ANXA8: variants seen among roughly 807,000 people sequenced by gnomAD.
ANXA8 encodes the protein VAC-beta.
ANXA8 carries 9 observed loss-of-function variants against 26.8 expected under a neutral mutation model. That is an observed-to-expected ratio of 0.34 (90% CI 0.20 to 0.59). ANXA8 has a LOEUF of 0.59. Ranked by LOEUF, ANXA8 falls within the 20% of genes least tolerant of loss-of-function variation. The probability of loss-of-function intolerance (pLI) is 0.84; values close to 1 mark genes in which losing one functional copy is unlikely to be tolerated. For synonymous variants in ANXA8, 39 were observed against 94.8 expected (o/e 0.41, Z 3.42); for missense variants, 83 against 238.5 (o/e 0.35, Z 4.29).
the ANXA8 span, among the ~76,000 whole-genome samples, chr10:47,694,358 T>G: frequency 6.6e-6 from 1 of 151,330 alleles, no homozygotes; most frequent in South Asian, 2.1e-4. Flanking sequence ...GTGAACTTAG[T>G]TGGATAGCTT....
chr10:47,534,742 C>A, the ANXA8 span, among the ~76,000 whole-genome samples: 1 of 100,246 alleles, frequency 1.0e-5, no homozygotes, highest in African/African-American at 4.1e-5. Context: ...GCAACCTCCA[C>A]CTCCCAGAGT....
chr10:47,768,836 A>T, the ANXA8 span, among the ~76,000 whole-genome samples: 1 of 151,610 alleles, frequency 6.6e-6, no homozygotes, highest in African/African-American at 2.4e-5. Flanking sequence ...GTTGGGAAGC[A>T]GCCGGGCTCC....
the ANXA8 span, among the ~76,000 whole-genome samples, chr10:47,915,051 G>C: frequency 1.3e-5 from 2 of 152,140 alleles, no homozygotes; most frequent in African/African-American, 4.8e-5. Context: ...CTCTGCTATA[G>C]CCTTCCATGA....
chr10:47,720,696 A>C, the ANXA8 span, among the ~76,000 whole-genome samples: 5 of 141,242 alleles, frequency 3.5e-5, no homozygotes, highest in Non-Finnish European at 7.7e-5. Flanking sequence ...AAATTCAGAT[A>C]TATTCCACAT....
chr10:47,501,040 C>T, the ANXA8 span, among the ~76,000 whole-genome samples: 1 of 144,252 alleles, frequency 6.9e-6, no homozygotes, highest in Non-Finnish European at 1.5e-5. Context: ...ACTACAGGTG[C>T]CCGCCACCAC....
the ANXA8 span, among the ~76,000 whole-genome samples, chr10:47,673,776 TATTTA>T: frequency 6.6e-6 from 1 of 151,592 alleles, no homozygotes; most frequent in Non-Finnish European, 1.5e-5. Flanking sequence ...TTCCTATTTT[TATTTA>T]ATTTATTTAT....
the ANXA8 span, among the ~76,000 whole-genome samples, chr10:47,686,221 A>C: frequency 7.0e-6 from 1 of 143,182 alleles, no homozygotes. Flanking sequence ...AGTAGCTCCT[A>C]TCACTTTTTT....
At chr10:47,682,685 T>C in the ANXA8 span, among the ~76,000 whole-genome samples, 1 of 151,816 alleles carries the variant, frequency 6.6e-6, no homozygotes, top group African/African-American at 2.4e-5. Flanking sequence ...TTAGCCAGGA[T>C]GGTCTTGAAC....
chr10:47,909,666 A>C, the ANXA8 span, among the ~76,000 whole-genome samples: 1 of 44,424 alleles, frequency 2.3e-5, no homozygotes, highest in Non-Finnish European at 4.3e-5. Flanking sequence ...ATCAGTGGAG[A>C]AGTTTAAATC....
At chr10:47,895,037 CCA>C in the ANXA8 span, among the ~76,000 whole-genome samples, 50 of 152,054 alleles carry the variant, frequency 3.3e-4, no homozygotes, top group East Asian at 5.6e-3. Flanking sequence ...ACACAATATA[CCA>C]CATACACACC....
chr10:47,769,823 T>G, the ANXA8 span, among the ~76,000 whole-genome samples: 12 of 152,292 alleles, frequency 7.9e-5, no homozygotes, highest in Non-Finnish European at 1.8e-4. Context: ...GTGGGTGCAT[T>G]AGACTGTTTA....
At chr10:47,549,250 C>A in the ANXA8 span, 1 of 1,504,038 alleles carries the variant, frequency 6.6e-7, no homozygotes, top group African/African-American at 1.4e-5. Flanking sequence ...GGTAAATAAC[C>A]TACCACAATG....
the ANXA8 span, among the ~76,000 whole-genome samples, chr10:47,938,568 T>TGAGGGG: frequency 7.7e-6 from 1 of 129,848 alleles, no homozygotes; most frequent in Non-Finnish European, 1.6e-5. Flanking sequence ...TGAGATGAGT[T>TGAGGGG]GAGGGGGACA....
the ANXA8 span, among the ~76,000 whole-genome samples, chr10:47,981,963 TGAAA>T: frequency 2.0e-5 from 3 of 151,700 alleles, no homozygotes; most frequent in African/African-American, 7.2e-5. Context: ...AACATGATCT[TGAAA>T]GAGAGAGGAC....
chr10:47,676,639 A>G, the ANXA8 span, among the ~76,000 whole-genome samples: 1 of 151,796 alleles, frequency 6.6e-6, no homozygotes, highest in Non-Finnish European at 1.5e-5. Context: ...TAAAAAAGAA[A>G]AGAAGTCCAG....
chr10:47,558,528 GATGTGT>G, the ANXA8 span, among the ~76,000 whole-genome samples: 1 of 115,630 alleles, frequency 8.6e-6, no homozygotes, highest in Admixed American at 9.6e-5. Flanking sequence ...AGGGTTTTAA[GATGTGT>G]GTGTGTGTGT....
the ANXA8 span, among the ~76,000 whole-genome samples, chr10:47,717,813 C>T: frequency 5.9e-5 from 9 of 151,686 alleles, no homozygotes; most frequent in Admixed American, 2.0e-4. Context: ...GCCTGGCCAA[C>T]GTGGTGAAAC....
chr10:47,682,469 C>CTTTTTTTTTTT, the ANXA8 span, among the ~76,000 whole-genome samples: 12 of 121,642 alleles, frequency 9.9e-5, no homozygotes, highest in African/African-American at 2.4e-4. Flanking sequence ...CTTTCTTTTT[C>CTTTTTTTTTTT]TTTTTTTTTT....
the ANXA8 span, among the ~76,000 whole-genome samples, chr10:47,977,556 T>C: frequency 6.6e-6 from 1 of 151,500 alleles, no homozygotes; most frequent in East Asian, 1.9e-4. Context: ...GAAAACATGT[T>C]TAAAGAATGT....
Sources: gnomAD v4.1 joint callset for allele counts (sites outside exome capture counted in the v4.1 genomes callset) on GRCh38, gnomAD v4.1.1 for gene constraint, MANE v1.5 for transcripts, NCBI Gene and HGNC (gene_info 2026-07-23, HGNC 2026-07-21) for gene names.